Variants in MAGI2 observed in about 807,000 individuals in gnomAD.
The protein encoded by MAGI2 is membrane-associated guanylate kinase, WW and PDZ domain-containing protein 2.
MAGI2 carries 35 observed loss-of-function variants against 133.3 expected under a neutral mutation model. That is an observed-to-expected ratio of 0.26 (90% confidence interval 0.20 to 0.35). The LOEUF (loss-of-function observed/expected upper bound fraction) is 0.35. Among genes scored for constraint, MAGI2 ranks in the 10% least tolerant of loss-of-function variants. The pLI is 1.00. For synonymous variants in MAGI2, 729 were observed against 710.6 expected (o/e 1.03, Z -0.41); for missense variants, 1,636 against 1,863.4 (o/e 0.88, Z 2.25).
At chr7:78,427,747 T>C (rs1488908902) in intron 6 of MAGI2, among the ~76,000 whole-genome samples, 1 of 152,060 alleles carries the variant, frequency 6.6e-6, no homozygotes, top group African/African-American at 2.4e-5. Context: ...TAAAATTTAA[T>C]TTATATAAAC....
chr7:78,713,643 C>G (rs780567383), intron 2 of MAGI2, among the ~76,000 whole-genome samples: 2 of 152,090 alleles, frequency 1.3e-5, no homozygotes, highest in Non-Finnish European at 2.9e-5. Context: ...AAACAAGAAC[C>G]TTCAAAATAT....
At chr7:78,275,821 T>C (rs946875507) in intron 9 of MAGI2, among the ~76,000 whole-genome samples, 2 of 152,188 alleles carry the variant, frequency 1.3e-5, no homozygotes, top group Non-Finnish European at 2.9e-5. Context: ...TGGACTAGAA[T>C]ATGGAGAGAG....
intron 1 of MAGI2, among the ~76,000 whole-genome samples, chr7:79,182,307 T>A (rs1826693036): frequency 6.6e-6 from 1 of 151,964 alleles, no homozygotes; most frequent in Admixed American, 6.6e-5. Context: ...CTCACAATCA[T>A]GGAAGAAGGC....
intron 1 of MAGI2, among the ~76,000 whole-genome samples, chr7:79,345,352 A>G (rs1841232286): frequency 6.6e-6 from 1 of 152,098 alleles, no homozygotes. Context: ...GAGGCATGGC[A>G]TAGATTCTTT....
intron 3 of MAGI2, among the ~76,000 whole-genome samples, chr7:78,624,230 A>C (rs1412214136): frequency 6.6e-6 from 1 of 151,988 alleles, no homozygotes; most frequent in African/African-American, 2.4e-5. Flanking sequence ...TCTTTGTCTG[A>C]CAGATTGAGA....
intron 14 of MAGI2, 91 bp from the exon 15 acceptor site, chr7:78,168,199 A>C (rs1157730764): frequency 9.4e-6 from 11 of 1,171,698 alleles, no homozygotes; most frequent in African/African-American, 1.5e-5. Context: ...TTCGTTGCCC[A>C]AGCTGAAGTA....
intron 3 of MAGI2, among the ~76,000 whole-genome samples, chr7:78,534,772 G>A (rs888171698): frequency 8.5e-5 from 13 of 152,124 alleles, no homozygotes; most frequent in African/African-American, 2.7e-4. Context: ...TCTGATAGTG[G>A]GGGAGCAAGT....
At chr7:78,677,585 C>T (rs773902811) in intron 2 of MAGI2, among the ~76,000 whole-genome samples, 6 of 151,900 alleles carry the variant, frequency 3.9e-5, no homozygotes, top group Non-Finnish European at 7.4e-5. Context: ...TAAGGCATTA[C>T]ATGCAAGGCT....
At chr7:78,083,390 GAGAGAGAGAGAGA>G (rs1334514356) in intron 20 of MAGI2, among the ~76,000 whole-genome samples, 2,916 of 17,068 alleles carry the variant, frequency 0.17, 82 homozygotes, top group African/African-American at 0.21. Flanking sequence ...GAGGGGGGGA[GAGAGAGAGAGAGA>G]GAGAGAGAGA....
chr7:78,164,851 G>T (rs1174551389), intron 15 of MAGI2, among the ~76,000 whole-genome samples: 1 of 152,184 alleles, frequency 6.6e-6, no homozygotes, highest in African/African-American at 2.4e-5. Flanking sequence ...TGTGCCATTA[G>T]CTTGAATGTC....
intron 1 of MAGI2, among the ~76,000 whole-genome samples, chr7:79,169,062 G>A (rs1825264864): frequency 6.6e-6 from 1 of 151,780 alleles, no homozygotes; most frequent in South Asian, 2.1e-4. Context: ...TTGAAGAATG[G>A]TCCCTTCCTT....
chr7:79,077,834 A>T (rs561968229), intron 1 of MAGI2, among the ~76,000 whole-genome samples: 62 of 152,242 alleles, frequency 4.1e-4, no homozygotes, highest in African/African-American at 1.4e-3. Context: ...CTATAGTCTA[A>T]TCAGTGCTAG....
chr7:78,976,858 C>A (rs1042835808), intron 2 of MAGI2, among the ~76,000 whole-genome samples: 2 of 151,132 alleles, frequency 1.3e-5, no homozygotes, highest in African/African-American at 4.8e-5. Context: ...TACAATAGCA[C>A]AAAGTGAAAT....
intron 1 of MAGI2, among the ~76,000 whole-genome samples, chr7:79,157,955 T>C (rs1159338868): frequency 2.0e-5 from 3 of 149,938 alleles, no homozygotes; most frequent in Non-Finnish European, 4.4e-5. Flanking sequence ...TGTGTGTGTG[T>C]GTGTGTGTGT....
intron 1 of MAGI2, among the ~76,000 whole-genome samples, chr7:79,200,475 G>C (rs1421491627): frequency 6.6e-6 from 1 of 151,096 alleles, no homozygotes; most frequent in East Asian, 2.0e-4. Context: ...GCCAGATTTG[G>C]TGACCCACAC....
chr7:78,151,805 C>T lies in MAGI2; in HGVS notation c.2845+8220G>A, dbSNP rs552950434. On this transcript the variant is annotated intron_variant, in intron 16 of 21. Coordinates refer to ENST00000354212, the MANE Select transcript of MAGI2 (RefSeq NM_012301.4). ...ATCGCCCATTGTCAAAAATATGTCA[C>T]GCTACCTTTGCGAGATGAAACAGCT... 7.9e-5 allele frequency among the ~76,000 whole-genome samples: 12 copies of T among 152,256 alleles called. 1 individual carries two copies. Among genetic ancestry groups the T allele is most frequent in the Middle Eastern group, 6.8e-3 (2 of 294 alleles).
At chr7:78,711,558 T>A (rs376925582) in intron 2 of MAGI2, among the ~76,000 whole-genome samples, 8 of 151,972 alleles carry the variant, frequency 5.3e-5, no homozygotes, top group African/African-American at 1.7e-4. Context: ...ATTATGACCA[T>A]TGGAAATGTT....
chr7:78,621,575 C>T lies in MAGI2; in HGVS notation c.538+5545G>A, dbSNP rs540738898. ...TTCAGCAGATGTTCTATATCAAATT[C>T]AAATGAGCCATTCAGAATTGGGGGG... On this transcript the variant is annotated intron_variant, in intron 3 of 21. Transcript: ENST00000354212. 1.5e-3 allele frequency among the ~76,000 whole-genome samples: 226 copies of T among 152,034 alleles called. 2 individuals carry two copies. Among genetic ancestry groups the T allele is most frequent in the African/African-American group, 5.3e-3 (219 of 41,508 alleles).
chr7:79,362,493 G>A (rs554726149), intron 1 of MAGI2, among the ~76,000 whole-genome samples: 13 of 151,982 alleles, frequency 8.6e-5, no homozygotes, highest in Middle Eastern at 3.4e-3. Flanking sequence ...GAAGAGTAGG[G>A]AATACTTCAG....
Sources: gnomAD v4.1 joint callset for allele counts (sites outside exome capture counted in the v4.1 genomes callset) on GRCh38, gnomAD v4.1.1 for gene constraint, MANE v1.5 for transcripts, NCBI Gene and HGNC (gene_info 2026-07-23, HGNC 2026-07-21) for gene names.